PIGN: variants seen among roughly 807,000 people sequenced by gnomAD.
The protein encoded by PIGN is GPI ethanolamine phosphate transferase 1.
Under a neutral mutation model 125.4 loss-of-function variants are expected in PIGN, and 117 were observed. The observed-to-expected ratio is 0.93, with a 90% CI of 0.80 to 1.09. The LOEUF is 1.09. Among genes scored for constraint, PIGN ranks in the 50% least tolerant of loss-of-function variants. PIGN has a pLI of 0.00. For synonymous variants in PIGN, 392 were observed against 377.8 expected (o/e 1.04, Z -0.44); for missense variants, 1,075 against 1,094.9 (o/e 0.98, Z 0.26).
chr18:62,088,693 T>C (rs1423992390), intron 25 of PIGN, 63 bp downstream of exon 25: 1 of 861,082 alleles, frequency 1.2e-6, no homozygotes, highest in Non-Finnish European at 1.9e-6. Flanking sequence ...ACACCTTCCA[T>C]GTCTTCTTAC....
chr18:62,091,225 G>C (rs1346547029), intron 23 of PIGN, among the ~76,000 whole-genome samples: 1 of 152,010 alleles, frequency 6.6e-6, no homozygotes, highest in East Asian at 1.9e-4. Context: ...GTGTGCGCCT[G>C]CCCAGCTAAC....
chr18:62,078,557 G>A (rs75384318), intron 28 of PIGN, among the ~76,000 whole-genome samples: 1,774 of 152,176 alleles, frequency 0.012, 52 homozygotes, highest in East Asian at 0.069. Context: ...TGGTTCCCTC[G>A]TTTATTCATA....
intron 16 of PIGN, 63 bp downstream of exon 16, chr18:62,113,071 A>T: frequency 8.1e-7 from 1 of 1,240,926 alleles, no homozygotes; most frequent in Non-Finnish European, 1.1e-6. Context: ...TAAACTCATT[A>T]CACTGGATTC....
At chr18:62,027,197 A>G (rs529590105) in intron 23 of PIGN, among the ~76,000 whole-genome samples, 22 of 152,182 alleles carry the variant, frequency 1.4e-4, no homozygotes, top group Non-Finnish European at 2.9e-4. Context: ...GTGAGACTCC[A>G]TTTCAAATTA....
intron 30 of PIGN, among the ~76,000 whole-genome samples, chr18:62,054,656 T>A (rs993749882): frequency 6.6e-6 from 1 of 151,976 alleles, no homozygotes; most frequent in Non-Finnish European, 1.5e-5. Flanking sequence ...CACAGCCAGC[T>A]AATTTTTGTA....
Position 62,154,623 on chromosome 18 carries a change from A to G in PIGN, c.471T>C (p.Tyr157=), listed in dbSNP as rs188661327. Residue 157 remains tyrosine (Y), a synonymous_variant, in exon 7 of 31, where the codon TAT becomes TAC. Coordinates refer to ENST00000640252, the MANE Select transcript of PIGN (RefSeq NM_176787.5). ...KGASGDHVYT[Y]SYDAKREDFG... ...AATCCTCTCTTTTAGCATCATAACTATATGTATAAACGTGGTCTCCACTAG... is the reference window on the plus strand; with the variant it reads ...AATCCTCTCTTTTAGCATCATAACTGTATGTATAAACGTGGTCTCCACTAG... 6.2e-5 allele frequency: 98 copies of G among 1,570,012 alleles called. 1 individual carries two copies. The African/African-American group carries it at 9.3e-4, about 15-fold the overall frequency.
rs1190583484 is a variant in PIGN at position 62,044,755 on chromosome 18, C to T, written c.*1101G>A. ...AAGCAATTACTTCTTAAAAATAGGG[C>T]GCATACCAGGAAAGCTTAGCATCAG... is the stretch of plus-strand genomic sequence containing the variant. On this transcript the variant is annotated 3_prime_UTR_variant, in exon 31 of 31. Coordinates refer to ENST00000640252, the MANE Select transcript of PIGN (RefSeq NM_176787.5). 1.3e-5 allele frequency: 2 copies of T among 152,032 alleles called. No individual in the cohort carries two copies. Among genetic ancestry groups the T allele is most frequent in the African/African-American group, 2.4e-5 (1 of 41,416 alleles). 9.4% of individuals were successfully genotyped at this position (152,032 alleles called of 1,614,324 possible). A position where few individuals can be genotyped will look rare whatever the true frequency, so the allele number is the denominator to read the frequency against.
intron 23 of PIGN, among the ~76,000 whole-genome samples, chr18:62,092,796 T>C (rs765123718): frequency 2.4e-4 from 36 of 152,100 alleles, no homozygotes; most frequent in Non-Finnish European, 3.8e-4. Flanking sequence ...TTTTTAAAAA[T>C]TGAAAAACAA....
chr18:62,140,684 A>T (rs985040112), intron 11 of PIGN, among the ~76,000 whole-genome samples: 6 of 152,182 alleles, frequency 3.9e-5, no homozygotes, highest in Non-Finnish European at 8.8e-5. Flanking sequence ...TTTTGAAAAG[A>T]AACCACTAAA....
At chr18:62,113,005 A>G in intron 16 of PIGN, 129 bp downstream of exon 16, 1 of 671,552 alleles carries the variant, frequency 1.5e-6, no homozygotes, top group South Asian at 2.4e-5. Flanking sequence ...CCAATACAAT[A>G]AAAGCAAATG....
intron 30 of PIGN, chr18:62,069,693 G>A (rs1453034603): frequency 3.3e-5 from 5 of 152,198 alleles, no homozygotes. Flanking sequence ...GCTGATGAGC[G>A]GGAGAATGGG....
intron 14 of PIGN, 137 bp downstream of exon 14, chr18:62,138,106 T>C: frequency 8.2e-7 from 1 of 1,217,050 alleles, no homozygotes; most frequent in Non-Finnish European, 1.1e-6. Context: ...TAGAAGAGGA[T>C]TTCAATTTGG....
At chr18:62,107,686 C>T (rs1325657265) in intron 17 of PIGN, 1 of 151,600 alleles carries the variant, frequency 6.6e-6, no homozygotes, top group African/African-American at 2.4e-5. Context: ...TTAGTTTAAA[C>T]ACGGATTCAT....
In PIGN at chr18:62,045,149, T is replaced by C. The variant is rs1371611654; in HGVS notation, c.*707A>G. 6.6e-6 allele frequency: 1 copy of C among 151,914 alleles called. No homozygotes were observed. The highest frequency in any genetic ancestry group is 1.5e-5 in the Non-Finnish European group (1 of 68,014). The allele number at this position is 151,914 out of a possible 1,614,324, so 9.4% of individuals were successfully genotyped here. Reference sequence around the variant, plus strand: ...ACTATTTATTTTAAATGTTTTCCTATGTATAAGACAGAAATACCAAGCACT... The same window carrying C: ...ACTATTTATTTTAAATGTTTTCCTACGTATAAGACAGAAATACCAAGCACT... On this transcript the variant is annotated 3_prime_UTR_variant, in exon 31 of 31. Coordinates refer to ENST00000640252, the MANE Select transcript of PIGN (RefSeq NM_176787.5).
At chr18:62,145,625 CA>C (rs1194283451) in intron 10 of PIGN, among the ~76,000 whole-genome samples, 2 of 152,070 alleles carry the variant, frequency 1.3e-5, no homozygotes, top group Admixed American at 6.6e-5. Context: ...ACCTCACATT[CA>C]AATTAATAAA....
chr18:62,102,446 C>T (rs1317637622), intron 21 of PIGN, among the ~76,000 whole-genome samples: 1 of 150,288 alleles, frequency 6.7e-6, no homozygotes, highest in African/African-American at 2.5e-5. Flanking sequence ...TATAAACATA[C>T]CCCAGGCTGC....
chr18:62,125,119 TATATAA>T (rs1463270249), intron 14 of PIGN, among the ~76,000 whole-genome samples: 1 of 102,284 alleles, frequency 9.8e-6, no homozygotes, highest in Non-Finnish European at 2.5e-5. Context: ...TACATATGTG[TATATAA>T]ATATACACGT....
intron 28 of PIGN, among the ~76,000 whole-genome samples, chr18:62,077,373 AAAACAAACAAAC>A (rs372819340): frequency 1.3e-5 from 2 of 152,054 alleles, no homozygotes; most frequent in Non-Finnish European, 2.9e-5. Flanking sequence ...ACTCTGCCTC[AAAACAAACAAAC>A]AAACAAACAA....
chr18:62,166,369 C>A (rs1402293367), intron 1 of PIGN, among the ~76,000 whole-genome samples: 1 of 152,188 alleles, frequency 6.6e-6, no homozygotes, highest in Admixed American at 6.5e-5. Flanking sequence ...CTTCCTTGAT[C>A]CAAACAAACA....
Sources: allele counts gnomAD v4.1 joint callset (sites outside exome capture counted in the v4.1 genomes callset), GRCh38; gene constraint gnomAD v4.1.1; transcripts MANE v1.5; gene names NCBI Gene and HGNC (gene_info 2026-07-23, HGNC 2026-07-21).